Variants in TMPRSS4 observed in about 807,000 individuals in gnomAD.
TMPRSS4 encodes transmembrane protease serine 4.
In TMPRSS4, 45 loss-of-function variants were observed where a neutral mutation model predicts 56.4. The observed-to-expected ratio is 0.80, with a 90% CI of 0.63 to 1.02. TMPRSS4 has a LOEUF of 1.02. Among genes scored for constraint, TMPRSS4 ranks in the 50% least tolerant of loss-of-function variants. TMPRSS4 has a pLI of 0.00. For missense variants in TMPRSS4, 546 were observed against 556.7 expected (o/e 0.98, Z 0.19); for synonymous variants, 205 against 211.0 (o/e 0.97, Z 0.25).
chr11:118,108,309 G>C (rs1323309866), intron 6 of TMPRSS4: 1 of 171,622 alleles, frequency 5.8e-6, no homozygotes, highest in Non-Finnish European at 1.2e-5. Context: ...GGCCCTTGTG[G>C]GTGGCCTGTT....
At chr11:118,078,040 AAAAAGAAAGAAG>A (rs1302871247) in intron 1 of TMPRSS4, among the ~76,000 whole-genome samples, 1 of 89,340 alleles carries the variant, frequency 1.1e-5, no homozygotes, top group Non-Finnish European at 2.3e-5. Context: ...AAAAAAAAAA[AAAAAGAAAGAAG>A]GAAAAGAAAA....
Position 118,096,218 on chromosome 11 carries a change from A to G in TMPRSS4, c.43+1363A>G, listed in dbSNP as rs1244439083. Among the ~76,000 whole-genome samples, 4 of 152,258 alleles carry G rather than the reference A, an allele frequency of 2.6e-5. No homozygotes were observed. The East Asian group carries it at 7.7e-4, about 29-fold the overall frequency. On this transcript the variant is annotated intron_variant, in intron 2 of 12. Coordinates refer to ENST00000437212, the MANE Select transcript of TMPRSS4 (RefSeq NM_019894.4). ...ACAGTATTGGCAAACATTACTGATA[A>G]GCTACTTTGTGCCAGGTCATAGTTC...
At chr11:118,079,081 G>C (rs1460578810) in intron 1 of TMPRSS4, among the ~76,000 whole-genome samples, 1 of 152,122 alleles carries the variant, frequency 6.6e-6, no homozygotes, top group Admixed American at 6.5e-5. Flanking sequence ...GGGAACACTG[G>C]TGGAGGGGTC....
At chr11:118,081,289 G>C (rs1945103803) in intron 1 of TMPRSS4, among the ~76,000 whole-genome samples, 1 of 152,222 alleles carries the variant, frequency 6.6e-6, no homozygotes, top group Non-Finnish European at 1.5e-5. Flanking sequence ...GCATGAGGGA[G>C]GCACAGGTCT....
At chr11:118,092,241 C>G (rs1462528086) in intron 1 of TMPRSS4, among the ~76,000 whole-genome samples, 1 of 152,182 alleles carries the variant, frequency 6.6e-6, no homozygotes, top group Non-Finnish European at 1.5e-5. Flanking sequence ...TTCATCAAGA[C>G]AGGGGAATTG....
At chr11:118,091,730 T>C (rs936607748) in intron 1 of TMPRSS4, among the ~76,000 whole-genome samples, 1 of 152,204 alleles carries the variant, frequency 6.6e-6, no homozygotes, top group Admixed American at 6.5e-5. Context: ...GGCAGACAAT[T>C]GATATCGACT....
chr11:118,100,175 C>T (rs1830439325), intron 3 of TMPRSS4, among the ~76,000 whole-genome samples: 1 of 152,172 alleles, frequency 6.6e-6, no homozygotes, highest in Non-Finnish European at 1.5e-5. Flanking sequence ...GTCCTTCCTC[C>T]CTCAGAGCGA....
At chr11:118,095,457 C>T (rs1946232777) in intron 2 of TMPRSS4, 1 of 153,346 alleles carries the variant, frequency 6.5e-6, no homozygotes, top group Non-Finnish European at 1.5e-5. Context: ...GCCAATCCTG[C>T]TTGACGGGCT....
chr11:118,084,513 G>A (rs1945394518), intron 1 of TMPRSS4, among the ~76,000 whole-genome samples: 1 of 152,216 alleles, frequency 6.6e-6, no homozygotes, highest in Non-Finnish European at 1.5e-5. Context: ...ACCTGTGCCA[G>A]GAGATTGGCT....
At chr11:118,102,301 A>G (rs1946755005) in intron 3 of TMPRSS4, among the ~76,000 whole-genome samples, 1 of 152,222 alleles carries the variant, frequency 6.6e-6, no homozygotes, top group South Asian at 2.1e-4. Context: ...TTTCATGACT[A>G]CCATCATACC....
At position 118,121,224 on chromosome 11, in the gene TMPRSS4, AT is replaced by A. The variant is rs1272792414; in HGVS notation, c.*3312del. 1.3e-5 allele frequency: 2 copies of A among 152,280 alleles called. No homozygotes were observed. The highest frequency in any genetic ancestry group is 2.9e-5 in the Non-Finnish European group (2 of 68,050). The allele number at this position is 152,280 out of a possible 1,614,324, so 9.4% of individuals were successfully genotyped here. A position where few individuals can be genotyped will look rare whatever the true frequency, so the allele number is the denominator to read the frequency against. ...CAACAAACCTTCTCTAAAAGAATATATAAAGCATTTACTTTAGGAAGAAGGA... is the reference window on the plus strand; with the variant it reads ...CAACAAACCTTCTCTAAAAGAATATAAAAGCATTTACTTTAGGAAGAAGGA... On this transcript the variant is annotated 3_prime_UTR_variant, in exon 13 of 13. Transcript: ENST00000437212.
At chr11:118,094,084 G>T (rs556639601) in intron 1 of TMPRSS4, among the ~76,000 whole-genome samples, 1 of 152,290 alleles carries the variant, frequency 6.6e-6, no homozygotes, top group East Asian at 1.9e-4. Flanking sequence ...TACTAATGAA[G>T]CGACTATAAA....
intron 1 of TMPRSS4, among the ~76,000 whole-genome samples, chr11:118,078,881 G>C (rs1220176985): frequency 2.0e-5 from 3 of 152,320 alleles, no homozygotes; most frequent in African/African-American, 7.2e-5. Flanking sequence ...CATGCACCGG[G>C]TTCGCAGAGA....
intron 1 of TMPRSS4, among the ~76,000 whole-genome samples, chr11:118,092,662 C>A (rs1788395707): frequency 6.6e-6 from 1 of 152,230 alleles, no homozygotes; most frequent in African/African-American, 2.4e-5. Context: ...AGTCCCCAGA[C>A]AAGAAGGCAG....
intron 2 of TMPRSS4, chr11:118,095,513 G>A (rs904359727): frequency 6.6e-6 from 1 of 152,336 alleles, no homozygotes; most frequent in South Asian, 2.1e-4. Flanking sequence ...GACCACAAAT[G>A]AAGTAATCTT....
chr11:118,108,133 T>C, intron 6 of TMPRSS4: 2 of 390,730 alleles, frequency 5.1e-6, no homozygotes, highest in Non-Finnish European at 9.3e-6. Context: ...GAGGGATGGA[T>C]AATGTGACCT....
chr11:118,115,230 G>A lies in TMPRSS4; in HGVS notation c.1102G>A (p.Glu368Lys), dbSNP rs761309580. 2.1e-5 allele frequency: 34 copies of A among 1,612,862 alleles called. No individual in the cohort carries two copies. Among genetic ancestry groups the A allele is most frequent in the Non-Finnish European group, 2.6e-5 (31 of 1,179,916 alleles). Residue 368 changes from glutamate to lysine, a missense_variant, in exon 11 of 13, where the codon GAG (glutamate) becomes AAG (lysine). Glu to Lys is a moderately conservative substitution (Grantham distance 56). Coordinates refer to ENST00000437212, the MANE Select transcript of TMPRSS4 (RefSeq NM_019894.4). ...CGATGCGTACCAGGGGGAAGTCACC[G>A]AGAAGATGATGTGTGCAGGCATCCC... ...ADDAYQGEVT[E>K]KMMCAGIPEG...
chr11:118,099,220 G>A, intron 3 of TMPRSS4, 122 bp downstream of exon 3: 2 of 668,938 alleles, frequency 3.0e-6, no homozygotes, highest in South Asian at 3.7e-5. Context: ...CCCTCAGTAA[G>A]AGGCAGTCCC....
chr11:118,111,001 A>T (rs1331467586), intron 7 of TMPRSS4, among the ~76,000 whole-genome samples: 1 of 152,244 alleles, frequency 6.6e-6, no homozygotes, highest in African/African-American at 2.4e-5. Context: ...CTCAAGGGAG[A>T]TCCCGAAGGG....
Sources: gnomAD v4.1 joint callset for allele counts (sites outside exome capture counted in the v4.1 genomes callset) on GRCh38, gnomAD v4.1.1 for gene constraint, MANE v1.5 for transcripts, NCBI Gene and HGNC (gene_info 2026-07-23, HGNC 2026-07-21) for gene names.